The following VAV1 variants were observed in gnomAD, a reference collection of about 807,000 sequenced individuals.
VAV1 encodes the protein proto-oncogene vav.
In VAV1, 33 loss-of-function variants were observed where a neutral mutation model predicts 128.1. The ratio of observed to expected loss-of-function variants is 0.26; its 90% confidence interval spans 0.20 to 0.34. The LOEUF is 0.34. Ranked by LOEUF, VAV1 falls within the 10% of genes least tolerant of loss-of-function variation. The probability of loss-of-function intolerance (pLI) is 1.00; values close to 1 mark genes in which losing one functional copy is unlikely to be tolerated. For synonymous variants in VAV1, 394 were observed against 409.8 expected (o/e 0.96, Z 0.47); for missense variants, 715 against 1,093.7 (o/e 0.65, Z 4.88).
In VAV1 at chr19:6,807,429, G is replaced by A. The variant is rs148087819; in HGVS notation, c.205-13273G>A. Among the ~76,000 whole-genome samples, 1,203 of 152,180 alleles carry A rather than the reference G, an allele frequency of 7.9e-3. 14 individuals are homozygous for A. Among genetic ancestry groups the A allele is most frequent in the African/African-American group, 0.027 (1,133 of 41,548 alleles). Reference sequence around the variant, plus strand: ...GTTTGCACTCCTATGAGGATCTAACGCTGCAGCTGATCTGACAGGAGGTGG... The same window carrying A: ...GTTTGCACTCCTATGAGGATCTAACACTGCAGCTGATCTGACAGGAGGTGG... On this transcript the variant is annotated intron_variant, in intron 1 of 26. Coordinates refer to ENST00000602142, the MANE Select transcript of VAV1 (RefSeq NM_005428.4).
intron 1 of VAV1, among the ~76,000 whole-genome samples, chr19:6,813,269 T>C (rs78915856): frequency 0.057 from 8,610 of 152,294 alleles, 348 homozygotes; most frequent in African/African-American, 0.11. Context: ...TCAGCTCCTC[T>C]CCACCTGGGG....
chr19:6,832,288 A>G (rs1270956665), intron 15 of VAV1, 88 bp downstream of exon 15: 2 of 1,288,666 alleles, frequency 1.6e-6, no homozygotes, highest in Non-Finnish European at 2.2e-6. Flanking sequence ...CTCTGTCCTG[A>G]CATGCCATGG....
At chr19:6,797,163 C>T (rs188226625) in intron 1 of VAV1, among the ~76,000 whole-genome samples, 4 of 148,358 alleles carry the variant, frequency 2.7e-5, no homozygotes, top group South Asian at 2.1e-4. Context: ...ACTCAAGAGG[C>T]GGAGATTGCT....
intron 1 of VAV1, among the ~76,000 whole-genome samples, chr19:6,781,609 ATTTT>A (rs5826948): frequency 1.6e-4 from 23 of 141,656 alleles, no homozygotes; most frequent in Middle Eastern, 3.6e-3. Context: ...TCTCTTACTG[ATTTT>A]TTTTTTTTTT....
chr19:6,832,982 T>C (rs1029845693), intron 15 of VAV1, among the ~76,000 whole-genome samples: 2 of 152,146 alleles, frequency 1.3e-5, no homozygotes, highest in Non-Finnish European at 2.9e-5. Context: ...CCCTGGAAAC[T>C]CCTAGCCTGC....
chr19:6,799,844 C>CA (rs60826995), intron 1 of VAV1, among the ~76,000 whole-genome samples: 5,179 of 47,158 alleles, frequency 0.11, 214 homozygotes, highest in Non-Finnish European at 0.13. Flanking sequence ...GAGACTGTCT[C>CA]AAAAAAAAAA....
At chr19:6,775,899 G>A (rs62125158) in intron 1 of VAV1, among the ~76,000 whole-genome samples, 50,275 of 151,964 alleles carry the variant, frequency 0.33, 8,541 homozygotes, top group Middle Eastern at 0.47. Flanking sequence ...AGGCTGGAAT[G>A]AGAATTCTTC....
At chr19:6,802,704 T>TA (rs1222228753) in intron 1 of VAV1, among the ~76,000 whole-genome samples, 6 of 152,218 alleles carry the variant, frequency 3.9e-5, no homozygotes, top group African/African-American at 1.2e-4. Context: ...AGGAGCAGCT[T>TA]AGTGTGGTTC....
intron 1 of VAV1, among the ~76,000 whole-genome samples, chr19:6,790,004 C>T (rs534335230): frequency 1.0e-3 from 155 of 152,052 alleles, no homozygotes; most frequent in African/African-American, 3.6e-3. Flanking sequence ...GGTGAAACCC[C>T]ATCTCTACTA....
At chr19:6,807,129 T>C (rs1725950519) in intron 1 of VAV1, among the ~76,000 whole-genome samples, 4 of 152,240 alleles carry the variant, frequency 2.6e-5, no homozygotes, top group Admixed American at 2.6e-4. Context: ...AAGACAATTT[T>C]TCCATGGACC....
At chr19:6,844,853 A>T (rs73920227) in intron 22 of VAV1, among the ~76,000 whole-genome samples, 186 of 152,004 alleles carry the variant, frequency 1.2e-3, no homozygotes, top group African/African-American at 4.4e-3. Context: ...ATGCAACATT[A>T]AAAAAAATCA....
At chr19:6,788,279 G>A (rs186096847) in intron 1 of VAV1, among the ~76,000 whole-genome samples, 285 of 152,018 alleles carry the variant, frequency 1.9e-3, no homozygotes, top group African/African-American at 6.5e-3. Flanking sequence ...ATGGAAAATA[G>A]GGGGGTTGGC....
chr19:6,801,533 G>T (rs1337611515), intron 1 of VAV1, among the ~76,000 whole-genome samples: 1 of 152,156 alleles, frequency 6.6e-6, no homozygotes, highest in African/African-American at 2.4e-5. Flanking sequence ...TTGAAAGGGT[G>T]CACAGCACAC....
chr19:6,784,872 G>T (rs1970853214), intron 1 of VAV1, among the ~76,000 whole-genome samples: 1 of 152,148 alleles, frequency 6.6e-6, no homozygotes, highest in Non-Finnish European at 1.5e-5. Context: ...TCACAGAGAT[G>T]CTAGAAATCT....
chr19:6,837,820 C>A (rs746741669), intron 21 of VAV1, among the ~76,000 whole-genome samples: 2 of 152,088 alleles, frequency 1.3e-5, no homozygotes, highest in Non-Finnish European at 2.9e-5. Flanking sequence ...CCCCTAAATA[C>A]TTCTTAAGAG....
At chr19:6,812,755 C>T (rs963509846) in intron 1 of VAV1, among the ~76,000 whole-genome samples, 7 of 152,034 alleles carry the variant, frequency 4.6e-5, no homozygotes, top group Admixed American at 2.6e-4. Flanking sequence ...TGGTGATGCT[C>T]ATGGTCATGA....
chr19:6,826,735 G>T lies in VAV1; in HGVS notation c.927+24G>T, dbSNP rs1275948899. On this transcript the variant is annotated intron_variant, in intron 9 of 26. Coordinates refer to ENST00000602142, the MANE Select transcript of VAV1 (RefSeq NM_005428.4). The surrounding 1 kb of genome is among the most constrained non-coding windows in gnomAD (Gnocchi z 4.1). ...AGGTGGGCGCCGGGCCACTTCTCGG[G>T]GGCCTCTCCCGCTCCTCCCCAGGCC... The T allele has an allele frequency of 2.0e-6, 3 of 1,527,044 alleles. No individual in the cohort carries two copies. Among genetic ancestry groups the T allele is most frequent in the Non-Finnish European group, 2.6e-6 (3 of 1,136,248 alleles). 94.6% of individuals were successfully genotyped at this position (1,527,044 alleles called of 1,614,324 possible). A position where few individuals can be genotyped will look rare whatever the true frequency, so the allele number is the denominator to read the frequency against.
intron 1 of VAV1, among the ~76,000 whole-genome samples, chr19:6,786,035 C>G (rs578101046): frequency 1.3e-5 from 2 of 152,126 alleles, no homozygotes; most frequent in African/African-American, 4.8e-5. Context: ...ACTTCCCATT[C>G]TCTTTCATGT....
chr19:6,773,460 C>A (rs748336456), intron 1 of VAV1, among the ~76,000 whole-genome samples: 5 of 152,156 alleles, frequency 3.3e-5, no homozygotes, highest in African/African-American at 4.8e-5. Context: ...ACATGTGTCT[C>A]CTCCTCCCGG....
Sources: allele counts gnomAD v4.1 joint callset (sites outside exome capture counted in the v4.1 genomes callset), GRCh38; gene constraint gnomAD v4.1.1; non-coding constraint Gnocchi (gnomAD v3.1); transcripts MANE v1.5; gene names NCBI Gene and HGNC (gene_info 2026-07-23, HGNC 2026-07-21).